The following TAF4 variants were observed in gnomAD, a reference collection of about 807,000 sequenced individuals.
TAF4 encodes the protein TATA-box binding protein associated factor 4, also known as transcription initiation factor TFIID subunit 4.
A neutral mutation model predicts 90.3 loss-of-function variants in TAF4; 9 were observed. The observed-to-expected ratio is 0.10, with a 90% CI of 0.06 to 0.17. The LOEUF is 0.17. Among genes scored for constraint, TAF4 ranks in the 10% least tolerant of loss-of-function variants. The probability of loss-of-function intolerance (pLI) is 1.00; values close to 1 mark genes in which losing one functional copy is unlikely to be tolerated. For synonymous variants in TAF4, 818 were observed against 638.9 expected (o/e 1.28, Z -4.23); for missense variants, 1,351 against 1,370.7 (o/e 0.99, Z 0.23).
intron 1 of TAF4, among the ~76,000 whole-genome samples, chr20:62,030,368 G>A (rs775592889): frequency 1.6e-4 from 25 of 152,124 alleles, no homozygotes; most frequent in Non-Finnish European, 2.9e-4. Flanking sequence ...TCATGCCAAA[G>A]CCCAATACTA....
chr20:62,024,519 C>T (rs553771904), intron 1 of TAF4, among the ~76,000 whole-genome samples: 4 of 152,306 alleles, frequency 2.6e-5, no homozygotes, highest in Non-Finnish European at 5.9e-5. Flanking sequence ...TAGAAAGCAT[C>T]CATCTAATAA....
chr20:62,049,061 C>T (rs1171087112), intron 1 of TAF4, among the ~76,000 whole-genome samples: 2 of 149,902 alleles, frequency 1.3e-5, no homozygotes, highest in Non-Finnish European at 3.0e-5. Flanking sequence ...CCCCGCATGA[C>T]CACCTCGGTC....
intron 1 of TAF4, among the ~76,000 whole-genome samples, chr20:62,062,166 G>A (rs1266086833): frequency 1.3e-5 from 2 of 152,196 alleles, no homozygotes; most frequent in East Asian, 1.9e-4. Flanking sequence ...ATGAGAATGA[G>A]TTATTAACCA....
Position 61,986,823 on chromosome 20 carries a change from G to A in TAF4, c.3091-10488C>T, listed in dbSNP as rs369519997. Among the ~76,000 whole-genome samples, 403 of 152,366 alleles carry A rather than the reference G, an allele frequency of 2.6e-3. 2 individuals are homozygous for A. Among genetic ancestry groups the A allele is most frequent in the African/African-American group, 9.0e-3 (376 of 41,580 alleles). On this transcript the variant is annotated intron_variant, in intron 14 of 14. Coordinates refer to ENST00000252996, the MANE Select transcript of TAF4 (RefSeq NM_003185.4). ...AACAAGTGGGAAAAATAAGGGAGAC[G>A]GGGCAGCTCTCTTTACAGAATTCCA... is the stretch of plus-strand genomic sequence containing the variant.
chr20:61,979,392 T>C (rs972875455), intron 14 of TAF4: 1 of 152,858 alleles, frequency 6.5e-6, no homozygotes, highest in Non-Finnish European at 1.5e-5. Flanking sequence ...AAGGCACCCA[T>C]GGCCACTCTA....
In TAF4 at chr20:62,048,711, C is replaced by T. The variant is rs144548342; in HGVS notation, c.1360+15740G>A. ...TGGCGTGCCCACCTCGGTCCCTGGG[C>T]TCCATGCCCCCTGGTCCTCTCCCCA... On this transcript the variant is annotated intron_variant, in intron 1 of 14. Transcript: ENST00000252996. 2.2e-3 allele frequency among the ~76,000 whole-genome samples: 330 copies of T among 151,472 alleles called. 1 individual carries two copies. The highest frequency in any genetic ancestry group is 4.1e-3 in the Non-Finnish European group (279 of 67,800).
At chr20:62,032,168 G>C (rs1343961256) in intron 1 of TAF4, among the ~76,000 whole-genome samples, 1 of 152,194 alleles carries the variant, frequency 6.6e-6, no homozygotes, top group African/African-American at 2.4e-5. Flanking sequence ...CATTTGGATG[G>C]TGCTTCCAGG....
rs1378232316 is a variant in TAF4 at position 62,010,360 on chromosome 20, G to A, written c.1642-195C>T. 3.3e-5 allele frequency among the ~76,000 whole-genome samples: 5 copies of A among 152,150 alleles called. No homozygotes were observed. The highest frequency in any genetic ancestry group is 7.4e-5 in the Non-Finnish European group (5 of 68,026). ...TGGGAGGCCTGCCCTGTGCCCTGAC[G>A]ATCGCAGTCCTGAGCGGGTGAGGAA... On this transcript the variant is annotated intron_variant, in intron 3 of 14. Coordinates refer to ENST00000252996, the MANE Select transcript of TAF4 (RefSeq NM_003185.4). The surrounding 1 kb of genome is among the most constrained non-coding windows in gnomAD (Gnocchi z 4.5).
At chr20:62,012,735 C>T in intron 3 of TAF4, 80 bp downstream of exon 3, 2 of 1,417,960 alleles carry the variant, frequency 1.4e-6, no homozygotes, top group African/African-American at 1.5e-5. Flanking sequence ...AAAAAAACTC[C>T]TAAGGCCTGA....
rs28381993 is a variant in TAF4 at position 62,063,932 on chromosome 20, A to G, written c.1360+519T>C. Among the ~76,000 whole-genome samples, 383 of 152,340 alleles carry G rather than the reference A, an allele frequency of 2.5e-3. 2 individuals carry two copies. The highest frequency in any genetic ancestry group is 8.8e-3 in the African/African-American group (366 of 41,584). ...GCGTCGCGCCCCCGTCCTCGCCTGG[A>G]GACTGAAGAGGCTCGAGCCCAGGGT... On this transcript the variant is annotated intron_variant, in intron 1 of 14. Coordinates refer to ENST00000252996, the MANE Select transcript of TAF4 (RefSeq NM_003185.4).
chr20:62,032,444 C>T (rs1339288813), intron 1 of TAF4, among the ~76,000 whole-genome samples: 3 of 152,208 alleles, frequency 2.0e-5, no homozygotes, highest in African/African-American at 7.2e-5. Flanking sequence ...GGAAGGGAGA[C>T]CAATCTGAGA....
chr20:61,979,114 T>C (rs1238306152), intron 14 of TAF4: 1 of 153,052 alleles, frequency 6.5e-6, no homozygotes, highest in East Asian at 1.9e-4. Context: ...GAAGATGGAG[T>C]GGAGATCTCG....
chr20:61,986,177 C>A (rs372809453), intron 14 of TAF4, among the ~76,000 whole-genome samples: 1,889 of 88,102 alleles, frequency 0.021, 1 homozygote, highest in East Asian at 0.11. Flanking sequence ...CACCATCCCC[C>A]ATCAAAGGAA....
chr20:62,026,285 C>T (rs6121872), intron 1 of TAF4, among the ~76,000 whole-genome samples: 2,672 of 152,282 alleles, frequency 0.018, 33 homozygotes, highest in Non-Finnish European at 0.026. Context: ...TACCTGACCC[C>T]GTGAGCAACA....
chr20:62,056,237 G>GA (rs530086628), intron 1 of TAF4, among the ~76,000 whole-genome samples: 5 of 151,306 alleles, frequency 3.3e-5, no homozygotes, highest in Admixed American at 6.6e-5. Flanking sequence ...ACTCTGTCTC[G>GA]AAAAAAAAGA....
At chr20:61,976,475 G>A (rs996377572) in intron 14 of TAF4, 140 bp from the exon 15 acceptor site, 11 of 977,898 alleles carry the variant, frequency 1.1e-5, no homozygotes, top group African/African-American at 8.1e-5. Context: ...GCCCACAGCT[G>A]GAGCTGGGGT....
intron 8 of TAF4, 41 bp from the exon 9 acceptor site, chr20:62,003,315 A>AT (rs2055719594): frequency 6.6e-7 from 1 of 1,509,416 alleles, no homozygotes; most frequent in Non-Finnish European, 9.2e-7. Flanking sequence ...CAAGGCTTTT[A>AT]TTAGATCAAC....
chr20:62,045,451 G>A (rs532200394), intron 1 of TAF4, among the ~76,000 whole-genome samples: 2 of 152,344 alleles, frequency 1.3e-5, no homozygotes, highest in East Asian at 1.9e-4. Flanking sequence ...ATCCCTGCAC[G>A]TGCAAGCACT....
At chr20:61,998,084 G>T in intron 13 of TAF4, 52 bp downstream of exon 13, 1 of 1,570,422 alleles carries the variant, frequency 6.4e-7, no homozygotes, top group Non-Finnish European at 8.7e-7. Context: ...CCCGTGGGGC[G>T]CTACAGTGCA....
Sources: allele counts gnomAD v4.1 joint callset (sites outside exome capture counted in the v4.1 genomes callset), GRCh38; gene constraint gnomAD v4.1.1; non-coding constraint Gnocchi (gnomAD v3.1); transcripts MANE v1.5; gene names NCBI Gene and HGNC (gene_info 2026-07-23, HGNC 2026-07-21).